The following NRG1 variants were observed in gnomAD, a reference collection of about 807,000 sequenced individuals.
NRG1 encodes neuregulin 1, also known as pro-neuregulin-1, membrane-bound isoform.
Under a neutral mutation model 63.8 loss-of-function variants are expected in NRG1, and 18 were observed. The ratio of observed to expected loss-of-function variants is 0.28; its 90% CI spans 0.19 to 0.42. NRG1 has a LOEUF of 0.42. Ranked by LOEUF, NRG1 falls within the 10% of genes least tolerant of loss-of-function variation. The probability of loss-of-function intolerance (pLI) is 1.00; values close to 1 mark genes in which losing one functional copy is unlikely to be tolerated. For missense variants in NRG1, 762 were observed against 814.7 expected (o/e 0.94, Z 0.79); for synonymous variants, 302 against 301.3 (o/e 1.00, Z -0.02).
At position 32,103,823 on chromosome 8, in the gene NRG1, G is replaced by A. The variant is rs535400316; in HGVS notation, c.37+464392G>A. ...CTGCAGAGCTGTAGAGAGGAGATGAGGAGCGAGCAAAGGAGGTAGGGTTGG... is the reference window on the plus strand; with the variant it reads ...CTGCAGAGCTGTAGAGAGGAGATGAAGAGCGAGCAAAGGAGGTAGGGTTGG... On this transcript the variant is annotated intron_variant, in intron 1 of 10. Transcript: ENST00000519301. 1.1e-4 allele frequency among the ~76,000 whole-genome samples: 17 copies of A among 152,260 alleles called. No homozygotes were observed. The South Asian group carries it at 1.9e-3, about 17-fold the overall frequency.
At chr8:31,734,416 A>C (rs986563851) in intron 1 of NRG1, among the ~76,000 whole-genome samples, 1 of 152,196 alleles carries the variant, frequency 6.6e-6, no homozygotes. Flanking sequence ...AAAGAATGAC[A>C]ATAACATTTG....
At chr8:31,968,510 C>T (rs1174683262) in intron 1 of NRG1, among the ~76,000 whole-genome samples, 1 of 152,076 alleles carries the variant, frequency 6.6e-6, no homozygotes, top group Non-Finnish European at 1.5e-5. Context: ...TAACCAGAAG[C>T]CCCAAAAGAG....
At chr8:32,097,015 C>G (rs953625842) in intron 1 of NRG1, among the ~76,000 whole-genome samples, 1 of 152,204 alleles carries the variant, frequency 6.6e-6, no homozygotes, top group African/African-American at 2.4e-5. Context: ...TCATCCTTCC[C>G]TGCCTTCAGT....
intron 1 of NRG1, among the ~76,000 whole-genome samples, chr8:32,118,755 T>C (rs1335022678): frequency 6.6e-6 from 1 of 152,036 alleles, no homozygotes; most frequent in East Asian, 1.9e-4. Context: ...TGTAGCAACT[T>C]AGGGCAGCAA....
intron 1 of NRG1, among the ~76,000 whole-genome samples, chr8:31,807,656 A>G (rs1195331693): frequency 2.0e-5 from 3 of 152,190 alleles, no homozygotes; most frequent in Non-Finnish European, 4.4e-5. Flanking sequence ...TGTTGACCAT[A>G]GGAACAATAT....
At chr8:31,920,939 C>A (rs1049860821) in intron 1 of NRG1, among the ~76,000 whole-genome samples, 2 of 150,628 alleles carry the variant, frequency 1.3e-5, no homozygotes, top group Non-Finnish European at 2.9e-5. Context: ...AAAACCTATA[C>A]CTGAAAACAT....
intron 1 of NRG1, among the ~76,000 whole-genome samples, chr8:32,097,019 C>T (rs1367667017): frequency 1.3e-5 from 2 of 152,164 alleles, no homozygotes; most frequent in Non-Finnish European, 2.9e-5. Flanking sequence ...CCTTCCCTGC[C>T]TTCAGTACTA....
chr8:31,661,422 C>T (rs1169290539), intron 1 of NRG1, among the ~76,000 whole-genome samples: 1 of 152,160 alleles, frequency 6.6e-6, no homozygotes, highest in Non-Finnish European at 1.5e-5. Context: ...AATTTTTAAC[C>T]TTATATTTCT....
chr8:31,837,466 T>C (rs552931079), intron 1 of NRG1, among the ~76,000 whole-genome samples: 8 of 152,218 alleles, frequency 5.3e-5, no homozygotes, highest in South Asian at 2.1e-4. Context: ...ATCATGGTAA[T>C]TAGCATATCA....
At chr8:32,296,769 G>T (rs1854933349) in intron 1 of NRG1, among the ~76,000 whole-genome samples, 1 of 152,022 alleles carries the variant, frequency 6.6e-6, no homozygotes, top group South Asian at 2.1e-4. Flanking sequence ...TCAAAGTCCT[G>T]CTATCTAAAA....
chr8:32,484,038 G>GCATT (rs1178692919), intron 1 of NRG1, among the ~76,000 whole-genome samples: 5 of 151,644 alleles, frequency 3.3e-5, no homozygotes, highest in African/African-American at 1.2e-4. Context: ...AGGAGGCGGA[G>GCATT]CTTGCAGTGA....
chr8:32,248,452 T>C (rs956020192), intron 1 of NRG1, among the ~76,000 whole-genome samples: 3 of 152,184 alleles, frequency 2.0e-5, no homozygotes, highest in South Asian at 2.1e-4. Flanking sequence ...CTCTATAGCA[T>C]ATAGAAACAA....
intron 1 of NRG1, among the ~76,000 whole-genome samples, chr8:32,536,948 AAT>A: frequency 6.7e-6 from 1 of 148,780 alleles, no homozygotes; most frequent in East Asian, 2.0e-4. Context: ...AAAAAAAAAA[AAT>A]TCTGTTTGTC....
At chr8:31,876,854 T>C (rs1446413403) in intron 1 of NRG1, among the ~76,000 whole-genome samples, 2 of 152,182 alleles carry the variant, frequency 1.3e-5, no homozygotes, top group Non-Finnish European at 1.5e-5. Flanking sequence ...TTAAAAAATA[T>C]ACATATACAT....
chr8:31,654,140 T>A (rs553416948), intron 1 of NRG1, among the ~76,000 whole-genome samples: 1 of 152,350 alleles, frequency 6.6e-6, no homozygotes, highest in African/African-American at 2.4e-5. Context: ...ATAACTGTCA[T>A]TATGGACTCA....
intron 1 of NRG1, among the ~76,000 whole-genome samples, chr8:32,291,924 G>A (rs1183771201): frequency 6.6e-6 from 1 of 152,118 alleles, no homozygotes; most frequent in Admixed American, 6.6e-5. Flanking sequence ...CTAAAGGCTT[G>A]GTACCAGCAC....
intron 1 of NRG1, among the ~76,000 whole-genome samples, chr8:32,517,614 A>G (rs1829955836): frequency 6.6e-6 from 1 of 152,222 alleles, no homozygotes; most frequent in Non-Finnish European, 1.5e-5. Flanking sequence ...GCTCTACGAA[A>G]TATACAAAAA....
Position 31,652,744 on chromosome 8 carries a change from ATCT to A in NRG1, c.37+13318_37+13320del, listed in dbSNP as rs1355049895. Among the ~76,000 whole-genome samples, 9 of 152,170 alleles carry A rather than the reference ATCT, an allele frequency of 5.9e-5. No homozygotes were observed. In the South Asian group the frequency reaches 1.9e-3, roughly 32 times the overall value. On this transcript the variant is annotated intron_variant, in intron 1 of 10. Transcript: ENST00000519301. ...ACGGATTGTGCTATAGTCTTTACAAATCTTCTTGTAGGAGAAAATATGATGACT... is the reference window on the plus strand; with the variant it reads ...ACGGATTGTGCTATAGTCTTTACAAATCTTGTAGGAGAAAATATGATGACT...
chr8:31,741,531 C>T lies in NRG1; in HGVS notation c.37+102100C>T, dbSNP rs182089756. Among the ~76,000 whole-genome samples, 230 of 151,962 alleles carry T rather than the reference C, an allele frequency of 1.5e-3. 2 individuals carry two copies. Among genetic ancestry groups the T allele is most frequent in the Non-Finnish European group, 2.9e-4 (20 of 67,934 alleles). Reference sequence around the variant, plus strand: ...ACATAAGGAACATCTAAAAGTCAATCGTAGTAAATAACATAAAAGCAAACT... The same window carrying T: ...ACATAAGGAACATCTAAAAGTCAATTGTAGTAAATAACATAAAAGCAAACT... On this transcript the variant is annotated intron_variant, in intron 1 of 10. Transcript: ENST00000519301.
Sources: gnomAD v4.1 joint callset for allele counts (sites outside exome capture counted in the v4.1 genomes callset) on GRCh38, gnomAD v4.1.1 for gene constraint, MANE v1.5 for transcripts, NCBI Gene and HGNC (gene_info 2026-07-23, HGNC 2026-07-21) for gene names.